Variants in EPHA6 observed in about 807,000 individuals in gnomAD.
EPHA6 encodes EPH receptor A6.
A neutral mutation model predicts 112.0 loss-of-function variants in EPHA6; 50 were observed. That is an observed-to-expected ratio of 0.45 (90% CI 0.36 to 0.56). EPHA6 has a LOEUF of 0.56. EPHA6 is among the 20% of genes least tolerant of loss of function. The pLI, the probability that EPHA6 is intolerant of heterozygous loss-of-function variation, is 0.00. For missense variants in EPHA6, 1,280 were observed against 1,417.4 expected (o/e 0.90, Z 1.56); for synonymous variants, 529 against 490.7 (o/e 1.08, Z -1.03).
chr3:97,655,251 A>C (rs2094131184), intron 14 of EPHA6, among the ~76,000 whole-genome samples: 1 of 151,570 alleles, frequency 6.6e-6, no homozygotes, highest in South Asian at 2.1e-4. Flanking sequence ...ATGGGAGACT[A>C]TGTCAGTTAG....
chr3:97,025,302 G>GGA (rs550862125), intron 3 of EPHA6, among the ~76,000 whole-genome samples: 1 of 151,692 alleles, frequency 6.6e-6, no homozygotes, highest in Non-Finnish European at 1.5e-5. Flanking sequence ...GAAGAGAAAG[G>GGA]GAGAGAGAGA....
intron 3 of EPHA6, among the ~76,000 whole-genome samples, chr3:97,075,834 G>A (rs968786873): frequency 4.6e-5 from 7 of 151,268 alleles, no homozygotes; most frequent in African/African-American, 7.3e-5. Context: ...TATTATTATT[G>A]TATCTGTTAG....
intron 2 of EPHA6, among the ~76,000 whole-genome samples, chr3:96,896,714 G>A (rs2038288405): frequency 6.6e-6 from 1 of 152,088 alleles, no homozygotes; most frequent in Non-Finnish European, 1.5e-5. Flanking sequence ...GGAAGGAAGG[G>A]CCATCAAAGC....
chr3:97,483,409 T>C (rs1452738445), intron 9 of EPHA6, among the ~76,000 whole-genome samples: 1 of 152,184 alleles, frequency 6.6e-6, no homozygotes, highest in African/African-American at 2.4e-5. Flanking sequence ...AAAATGGCCA[T>C]TATCCCTACT....
intron 5 of EPHA6, among the ~76,000 whole-genome samples, chr3:97,378,404 G>A (rs1323952248): frequency 6.6e-6 from 1 of 152,204 alleles, no homozygotes; most frequent in Admixed American, 6.5e-5. Context: ...AGTGCGAAAG[G>A]GAAATGTGGG....
rs57116000 is a variant in EPHA6 at position 97,001,017 on chromosome 3, G to GATATATAT, written c.1114+13031_1114+13038dup. Among the ~76,000 whole-genome samples, 174 of 114,584 alleles carry GATATATAT rather than the reference G, an allele frequency of 1.5e-3. 10 individuals carry two copies. The highest frequency in any genetic ancestry group is 4.7e-3 in the South Asian group (20 of 4,262). The allele number at this position is 114,584 out of a possible 152,430, so 75.2% of individuals were successfully genotyped here. A position where few individuals can be genotyped will look rare whatever the true frequency, so the allele number is the denominator to read the frequency against. Reference sequence around the variant, plus strand: ...AAACTCTCCAGCCCAGTCAGAAATTGATATATATATATATGCATGTGTGTT... The same window carrying GATATATAT: ...AAACTCTCCAGCCCAGTCAGAAATTGATATATATATATATATATATATGCATGTGTGTT... On this transcript the variant is annotated intron_variant, in intron 3 of 17. Transcript: ENST00000389672.
intron 3 of EPHA6, among the ~76,000 whole-genome samples, chr3:97,029,160 G>A (rs1002137697): frequency 4.0e-5 from 6 of 151,638 alleles, no homozygotes; most frequent in Non-Finnish European, 8.9e-5. Flanking sequence ...ACAAAAGTTA[G>A]TAAATATTAT....
intron 11 of EPHA6, among the ~76,000 whole-genome samples, chr3:97,586,623 T>A (rs2093490824): frequency 6.6e-6 from 1 of 150,998 alleles, no homozygotes; most frequent in Admixed American, 6.6e-5. Flanking sequence ...TCTGACAAAG[T>A]AAGGATAAAT....
chr3:97,517,584 A>C (rs2092467655), intron 10 of EPHA6, among the ~76,000 whole-genome samples: 1 of 152,090 alleles, frequency 6.6e-6, no homozygotes, highest in Non-Finnish European at 1.5e-5. Context: ...TCACATGCTT[A>C]TTTTTGTGGT....
chr3:97,625,667 G>C (rs979455774), intron 13 of EPHA6, among the ~76,000 whole-genome samples: 10 of 151,208 alleles, frequency 6.6e-5, no homozygotes, highest in Non-Finnish European at 1.2e-4. Context: ...GTCAATTTTT[G>C]TTTCATATAT....
At chr3:97,474,938 T>C (rs2107459467) in intron 7 of EPHA6, among the ~76,000 whole-genome samples, 1 of 152,230 alleles carries the variant, frequency 6.6e-6, no homozygotes, top group East Asian at 1.9e-4. Flanking sequence ...GTAGTCTTTC[T>C]ACTTTGTGAA....
In EPHA6 at chr3:96,945,492, G is replaced by C. The variant is rs553820269; in HGVS notation, c.451-41838G>C. Among the ~76,000 whole-genome samples the C allele has an allele frequency of 1.6e-4, 24 of 152,266 alleles. 2 individuals carry two copies. The highest frequency in any genetic ancestry group is 1.6e-3 in the Admixed American group (24 of 15,290). On this transcript the variant is annotated intron_variant, in intron 2 of 17. Transcript: ENST00000389672. ...GATTACCAGCTTACTCAAATATGTT[G>C]CATGTGTTACTAACCCTACAAAATA...
chr3:97,644,569 G>C (rs1436612808), intron 14 of EPHA6, among the ~76,000 whole-genome samples: 1 of 151,744 alleles, frequency 6.6e-6, no homozygotes, highest in Non-Finnish European at 1.5e-5. Context: ...AAAGAGGGAA[G>C]AATCAAATAG....
intron 2 of EPHA6, among the ~76,000 whole-genome samples, chr3:96,953,194 G>A (rs1467653935): frequency 6.6e-6 from 1 of 151,804 alleles, no homozygotes; most frequent in Non-Finnish European, 1.5e-5. Context: ...TTAATGAGAA[G>A]TTAATTTGGT....
intron 3 of EPHA6, among the ~76,000 whole-genome samples, chr3:97,182,972 G>C (rs1246787760): frequency 6.6e-5 from 10 of 151,856 alleles, no homozygotes; most frequent in Non-Finnish European, 1.2e-4. Context: ...TGTTTTTTAT[G>C]GAAGAAGAAA....
At chr3:97,118,423 A>G (rs2047954602) in intron 3 of EPHA6, among the ~76,000 whole-genome samples, 1 of 151,906 alleles carries the variant, frequency 6.6e-6, no homozygotes, top group South Asian at 2.1e-4. Flanking sequence ...TGTGTACAGT[A>G]TGTTTGACAA....
intron 3 of EPHA6, among the ~76,000 whole-genome samples, chr3:97,047,222 C>A (rs550690298): frequency 6.6e-6 from 1 of 151,782 alleles, no homozygotes; most frequent in South Asian, 2.1e-4. Context: ...AACCAGGGGC[C>A]GGGCACAGTG....
At chr3:97,203,138 A>C (rs1358148958) in intron 3 of EPHA6, among the ~76,000 whole-genome samples, 1 of 152,120 alleles carries the variant, frequency 6.6e-6, no homozygotes, top group Non-Finnish European at 1.5e-5. Context: ...AGGGTAAGTA[A>C]ATGTAGACTC....
chr3:97,283,514 A>G (rs963023838), intron 5 of EPHA6, among the ~76,000 whole-genome samples: 1 of 152,150 alleles, frequency 6.6e-6, no homozygotes, highest in African/African-American at 2.4e-5. Flanking sequence ...AATGTTGATT[A>G]TAATATTAAA....
Sources: gnomAD v4.1 joint callset for allele counts (sites outside exome capture counted in the v4.1 genomes callset) on GRCh38, gnomAD v4.1.1 for gene constraint, MANE v1.5 for transcripts, NCBI Gene and HGNC (gene_info 2026-07-23, HGNC 2026-07-21) for gene names.